The following TAB2 variants were observed in gnomAD, a reference collection of about 807,000 sequenced individuals.
TAB2 encodes TGF-beta-activated kinase 1 and MAP3K7-binding protein 2.
TAB2 carries 3 observed loss-of-function variants against 65.0 expected under a neutral mutation model. The observed-to-expected ratio is 0.05, with a 90% CI of 0.02 to 0.12. The LOEUF (loss-of-function observed/expected upper bound fraction) is 0.12, where lower values mean the gene tolerates loss of function less well. Ranked by LOEUF, TAB2 falls within the 10% of genes least tolerant of loss-of-function variation. The pLI is 1.00. For synonymous variants in TAB2, 298 were observed against 285.1 expected, an observed-to-expected ratio of 1.05 and a Z score of -0.46; for missense variants, 623 against 840.3, an observed-to-expected ratio of 0.74 and a Z score of 3.20.
chr6:149,400,217 A>G (rs992560165), intron 6 of TAB2: 3 of 663,638 alleles, frequency 4.5e-6, no homozygotes, highest in Non-Finnish European at 7.5e-6. Context: ...GGAGGCCCCA[A>G]CAGCTCGTGC....
At chr6:149,260,581 T>G (rs988277705) in intron 1 of TAB2, among the ~76,000 whole-genome samples, 1 of 152,208 alleles carries the variant, frequency 6.6e-6, no homozygotes, top group African/African-American at 2.4e-5. Context: ...CAAATCATCC[T>G]ATGAACATCG....
intron 1 of TAB2, among the ~76,000 whole-genome samples, chr6:149,233,642 G>A (rs1414569866): frequency 6.6e-6 from 1 of 152,158 alleles, no homozygotes; most frequent in Non-Finnish European, 1.5e-5. Flanking sequence ...AACCCCCTAG[G>A]AAGGTTTTCT....
At chr6:149,355,750 C>A (rs557304869) in intron 1 of TAB2, among the ~76,000 whole-genome samples, 1 of 151,850 alleles carries the variant, frequency 6.6e-6, no homozygotes, top group Admixed American at 6.6e-5. Context: ...GTACTGCTGT[C>A]TTTTGATTAC....
chr6:149,311,408 T>A (rs576942738), intron 1 of TAB2, among the ~76,000 whole-genome samples: 1 of 152,344 alleles, frequency 6.6e-6, no homozygotes, highest in East Asian at 1.9e-4. Context: ...GTAACTTAGT[T>A]TCTCTTAAAC....
At chr6:149,332,357 T>C (rs1052780607) in intron 1 of TAB2, among the ~76,000 whole-genome samples, 5 of 152,210 alleles carry the variant, frequency 3.3e-5, no homozygotes, top group African/African-American at 1.2e-4. Flanking sequence ...GACTGCTTTC[T>C]AGTTACTGTA....
At chr6:149,325,548 T>G (rs1779575049) in intron 1 of TAB2, among the ~76,000 whole-genome samples, 1 of 152,228 alleles carries the variant, frequency 6.6e-6, no homozygotes, top group Non-Finnish European at 1.5e-5. Flanking sequence ...GTATTTTTCT[T>G]GCCTGTTCCT....
At chr6:149,224,248 G>T (rs1343130791) in intron 1 of TAB2, among the ~76,000 whole-genome samples, 1 of 152,212 alleles carries the variant, frequency 6.6e-6, no homozygotes, top group Non-Finnish European at 1.5e-5. Flanking sequence ...ACTTTGAATA[G>T]TACAAGGAGC....
At chr6:149,408,687 A>G (rs957933581) in intron 6 of TAB2, among the ~76,000 whole-genome samples, 1 of 152,166 alleles carries the variant, frequency 6.6e-6, no homozygotes, top group Non-Finnish European at 1.5e-5. Context: ...ATACTGTTCT[A>G]ATTTCATTAT....
At chr6:149,403,463 C>G (rs1392453467) in intron 6 of TAB2, among the ~76,000 whole-genome samples, 4 of 151,052 alleles carry the variant, frequency 2.6e-5, no homozygotes, top group Non-Finnish European at 5.9e-5. Context: ...CGAAAGCTTT[C>G]CCACTAAGAT....
intron 1 of TAB2, chr6:149,318,524 A>G (rs901610712): frequency 3.9e-5 from 6 of 152,252 alleles, no homozygotes; most frequent in African/African-American, 1.4e-4. Flanking sequence ...GAGGGAGAAC[A>G]TCGTTCCTTT....
intron 1 of TAB2, among the ~76,000 whole-genome samples, chr6:149,279,601 A>G (rs1778536373): frequency 6.6e-6 from 1 of 152,178 alleles, no homozygotes; most frequent in Non-Finnish European, 1.5e-5. Context: ...CAAACATACT[A>G]CAACGCACAG....
chr6:149,286,728 T>C (rs1778682567), intron 1 of TAB2, among the ~76,000 whole-genome samples: 1 of 152,206 alleles, frequency 6.6e-6, no homozygotes, highest in East Asian at 1.9e-4. Context: ...GATTTCAATA[T>C]ACGTTGGCAT....
intron 1 of TAB2, among the ~76,000 whole-genome samples, chr6:149,272,933 G>T (rs183055522): frequency 2.8e-4 from 43 of 152,236 alleles, no homozygotes; most frequent in African/African-American, 1.0e-3. Context: ...TGCACGTGAG[G>T]GATCTAGACT....
intron 1 of TAB2, among the ~76,000 whole-genome samples, chr6:149,236,886 AT>A (rs1251382439): frequency 6.6e-6 from 1 of 152,176 alleles, no homozygotes; most frequent in East Asian, 1.9e-4. Context: ...GCCAGAAGCA[AT>A]TTTCAGCATA....
intron 1 of TAB2, among the ~76,000 whole-genome samples, chr6:149,358,210 G>A (rs1305597163): frequency 6.6e-6 from 1 of 152,146 alleles, no homozygotes; most frequent in African/African-American, 2.4e-5. Context: ...GGATATTTGT[G>A]TATATGTATA....
chr6:149,324,519 A>G (rs532487395), intron 1 of TAB2, among the ~76,000 whole-genome samples: 4 of 152,188 alleles, frequency 2.6e-5, no homozygotes, highest in African/African-American at 9.7e-5. Context: ...AAAATTGAGC[A>G]CATCACAAGT....
intron 1 of TAB2, among the ~76,000 whole-genome samples, chr6:149,292,389 G>A (rs193157691): frequency 2.6e-5 from 4 of 152,324 alleles, no homozygotes; most frequent in Admixed American, 2.0e-4. Context: ...TTTAGAATGA[G>A]TGATTGATGC....
At chr6:149,339,694 G>T (rs1780055554) in intron 1 of TAB2, among the ~76,000 whole-genome samples, 1 of 150,572 alleles carries the variant, frequency 6.6e-6, no homozygotes, top group Admixed American at 6.6e-5. Flanking sequence ...CACCTCCCAG[G>T]TTCAAGCGAT....
intron 1 of TAB2, among the ~76,000 whole-genome samples, chr6:149,249,677 TCC>T (rs1344960300): frequency 1.3e-5 from 2 of 152,196 alleles, no homozygotes; most frequent in East Asian, 3.9e-4. Context: ...TCTCTTTCTC[TCC>T]CTGTCTCTAT....
Sources: allele counts gnomAD v4.1 joint callset (sites outside exome capture counted in the v4.1 genomes callset), GRCh38; gene constraint gnomAD v4.1.1; transcripts MANE v1.5; gene names NCBI Gene and HGNC (gene_info 2026-07-23, HGNC 2026-07-21).